The following COL4A1 variants were observed in gnomAD, a reference collection of about 807,000 sequenced individuals.
The protein encoded by COL4A1 is collagen type IV alpha 1 chain.
In COL4A1, 40 loss-of-function variants were observed where a neutral mutation model predicts 216.6. The observed-to-expected ratio is 0.18, with a 90% CI of 0.14 to 0.24. COL4A1 has a LOEUF of 0.24. Ranked by LOEUF, COL4A1 falls within the 10% of genes least tolerant of loss-of-function variation. The pLI is 1.00. For missense variants in COL4A1, 1,628 were observed against 2,196.8 expected (o/e 0.74, Z 5.18); for synonymous variants, 839 against 810.7 (o/e 1.03, Z -0.59).
intron 49 of COL4A1, among the ~76,000 whole-genome samples, chr13:110,157,285 T>C (rs973193600): frequency 2.0e-5 from 3 of 152,254 alleles, no homozygotes; most frequent in African/African-American, 7.2e-5. Flanking sequence ...GTGAGTCTTG[T>C]CTGCAGAAAG....
chr13:110,191,526 G>T (rs1445672316), intron 24 of COL4A1: 3 of 536,986 alleles, frequency 5.6e-6, no homozygotes, highest in African/African-American at 1.9e-5. Context: ...TTATTATTAT[G>T]CTCTTCTATT....
intron 22 of COL4A1, 69 bp downstream of exon 22, chr13:110,194,954 G>A (rs1285389657): frequency 1.7e-5 from 24 of 1,407,572 alleles, no homozygotes; most frequent in East Asian, 6.9e-5. Flanking sequence ...CTCCAAAGCC[G>A]GTAAGTATGT....
chr13:110,157,425 G>T (rs1876836746), intron 49 of COL4A1, among the ~76,000 whole-genome samples: 1 of 152,212 alleles, frequency 6.6e-6, no homozygotes, highest in South Asian at 2.1e-4. Flanking sequence ...CCTCCCTAAA[G>T]GGAAGAGCTG....
At chr13:110,252,675 AATATGTAT>A (rs1299669564) in intron 1 of COL4A1, among the ~76,000 whole-genome samples, 1 of 140,242 alleles carries the variant, frequency 7.1e-6, no homozygotes, top group Non-Finnish European at 1.5e-5. Flanking sequence ...ATATACATAT[AATATGTAT>A]ATATACATAT....
intron 46 of COL4A1, 29 bp from the exon 47 acceptor site, chr13:110,163,590 CCTGTATGGCAGTAAG>C (rs891848851): frequency 1.4e-5 from 22 of 1,577,092 alleles, no homozygotes; most frequent in Non-Finnish European, 1.7e-5. Flanking sequence ...AATTTATGAT[CCTGTATGGCAGTAAG>C]CTGTATCTCT....
intron 6 of COL4A1, 29 bp downstream of exon 6, chr13:110,212,388 A>G: frequency 1.2e-6 from 2 of 1,612,394 alleles, no homozygotes; most frequent in South Asian, 2.2e-5. Flanking sequence ...AAACACACAC[A>G]AAAAGGAGGG....
At chr13:110,172,792 CCA>C (rs1566348614) in intron 40 of COL4A1, 22 bp from the exon 41 acceptor site, 1 of 1,608,974 alleles carries the variant, frequency 6.2e-7, no homozygotes, top group Middle Eastern at 1.7e-4. Context: ...GGGTAAAATG[CCA>C]CGTTTCTCTT....
chr13:110,259,390 T>G (rs1025657575), intron 1 of COL4A1, among the ~76,000 whole-genome samples: 20 of 152,182 alleles, frequency 1.3e-4, no homozygotes, highest in Non-Finnish European at 2.8e-4. Flanking sequence ...AGTATTTCAT[T>G]AACAATACTA....
At chr13:110,191,662 T>C in intron 24 of COL4A1, 1 of 686,630 alleles carries the variant, frequency 1.5e-6, no homozygotes, top group Non-Finnish European at 2.6e-6. Flanking sequence ...GCACAATAGA[T>C]GTTGTAACAG....
At chr13:110,273,410 T>G (rs1295969845) in intron 1 of COL4A1, among the ~76,000 whole-genome samples, 1 of 152,184 alleles carries the variant, frequency 6.6e-6, no homozygotes, top group Non-Finnish European at 1.5e-5. Flanking sequence ...TTGCAGAAGC[T>G]TTTTTACCTA....
rs546805160 is a variant in COL4A1, at chr13:110,278,636, C to A, written c.84+28308G>T. On this transcript the variant is annotated intron_variant, in intron 1 of 51. Coordinates refer to ENST00000375820, the MANE Select transcript of COL4A1 (RefSeq NM_001845.6). Reference sequence around the variant, plus strand: ...AAAGGCTTTCCTCCCCAAGGATACCCATTTTCCACACATAGTAAATGCTTA... The same window carrying A: ...AAAGGCTTTCCTCCCCAAGGATACCAATTTTCCACACATAGTAAATGCTTA... 8.5e-5 allele frequency among the ~76,000 whole-genome samples: 13 copies of A among 152,254 alleles called. No homozygotes were observed. The South Asian group carries it at 2.3e-3, about 27-fold the overall frequency.
chr13:110,210,697 G>GGATTTTTAAAAT (rs1224699714), intron 8 of COL4A1, among the ~76,000 whole-genome samples: 1 of 152,188 alleles, frequency 6.6e-6, no homozygotes, highest in East Asian at 1.9e-4. Flanking sequence ...TTCTGTGAAG[G>GGATTTTTAAAAT]GATTTTTAAA....
At chr13:110,189,575 G>A (rs1054672218) in intron 24 of COL4A1, among the ~76,000 whole-genome samples, 1 of 152,194 alleles carries the variant, frequency 6.6e-6, no homozygotes, top group Non-Finnish European at 1.5e-5. Flanking sequence ...TATTTGCTCT[G>A]GGTCCCAGGA....
At chr13:110,203,083 G>A (rs1159004815) in intron 18 of COL4A1, among the ~76,000 whole-genome samples, 3 of 152,000 alleles carry the variant, frequency 2.0e-5, no homozygotes, top group Non-Finnish European at 1.5e-5. Flanking sequence ...CATGGTGGCG[G>A]GCACCTGCGA....
intron 1 of COL4A1, among the ~76,000 whole-genome samples, chr13:110,274,669 G>C (rs1049639065): frequency 6.6e-6 from 1 of 152,210 alleles, no homozygotes; most frequent in Non-Finnish European, 1.5e-5. Flanking sequence ...AATGGGAGGA[G>C]TGTCAGGAAA....
chr13:110,172,633 G>A (rs1877697953), intron 41 of COL4A1, 87 bp downstream of exon 41: 2 of 1,321,594 alleles, frequency 1.5e-6, no homozygotes, highest in African/African-American at 2.9e-5. Flanking sequence ...CAGGCATGGG[G>A]CTTCATCCTG....
chr13:110,270,010 G>C (rs1043239938), intron 1 of COL4A1, among the ~76,000 whole-genome samples: 14 of 152,080 alleles, frequency 9.2e-5, no homozygotes, highest in African/African-American at 1.2e-4. Context: ...TAACGGACTA[G>C]AGCGTTCTTC....
intron 12 of COL4A1, 78 bp downstream of exon 12, chr13:110,208,771 A>G (rs565963395): frequency 1.5e-6 from 2 of 1,344,814 alleles, no homozygotes; most frequent in South Asian, 1.2e-5. Context: ...GAGTCCAGAC[A>G]TTGATCCAAA....
intron 1 of COL4A1, among the ~76,000 whole-genome samples, chr13:110,256,236 C>T (rs1322068558): frequency 2.0e-5 from 3 of 152,100 alleles, no homozygotes; most frequent in Non-Finnish European, 4.4e-5. Context: ...GTGAATAGGG[C>T]GTGGTTTCTA....
Sources: allele counts gnomAD v4.1 joint callset (sites outside exome capture counted in the v4.1 genomes callset), GRCh38; gene constraint gnomAD v4.1.1; transcripts MANE v1.5; gene names NCBI Gene and HGNC (gene_info 2026-07-23, HGNC 2026-07-21).